The following TRIM16 variants were observed in gnomAD, a reference collection of about 807,000 sequenced individuals.
TRIM16 encodes tripartite motif containing 16, also known as tripartite motif-containing protein 16.
Under a neutral mutation model 50.4 loss-of-function variants are expected in TRIM16, and 33 were observed. That is an observed-to-expected ratio of 0.65 (90% CI 0.50 to 0.88). The LOEUF (loss-of-function observed/expected upper bound fraction) is 0.88. TRIM16 is among the 40% of genes least tolerant of loss of function. TRIM16 has a pLI of 0.00. For synonymous variants in TRIM16, 229 were observed against 270.7 expected, an observed-to-expected ratio of 0.85 and a Z score of 1.51; for missense variants, 581 against 686.8, an observed-to-expected ratio of 0.85 and a Z score of 1.72.
At chr17:15,674,529 G>T (rs1301407539) in intron 6 of TRIM16, among the ~76,000 whole-genome samples, 10 of 151,880 alleles carry the variant, frequency 6.6e-5, no homozygotes, top group African/African-American at 2.4e-4. Context: ...CCCCCACACT[G>T]CCCCACCGCA....
At chr17:15,632,187 G>A (rs1388223085) in intron 10 of TRIM16, among the ~76,000 whole-genome samples, 1 of 152,010 alleles carries the variant, frequency 6.6e-6, no homozygotes, top group Admixed American at 6.5e-5. Flanking sequence ...TCAGGAGTTC[G>A]AGACCAGCCT....
chr17:15,641,482 T>C (rs530531855), intron 8 of TRIM16, among the ~76,000 whole-genome samples: 2 of 148,980 alleles, frequency 1.3e-5, no homozygotes, highest in East Asian at 4.1e-4. Flanking sequence ...CCCCTGGTCA[T>C]CATGTACTTA....
chr17:15,636,630 C>CTTT lies in TRIM16; in HGVS notation c.616-364_616-362dup, dbSNP rs869137177. 3.5e-3 allele frequency among the ~76,000 whole-genome samples: 426 copies of CTTT among 121,200 alleles called. 15 individuals are homozygous for CTTT. The highest frequency in any genetic ancestry group is 0.012 in the African/African-American group (402 of 32,864). 79.5% of individuals were successfully genotyped at this position (121,200 alleles called of 152,430 possible). A position where few individuals can be genotyped will look rare whatever the true frequency, so the allele number is the denominator to read the frequency against. ...ATATTTCAAGAGGTAAAGAATTTGG[C>CTTT]TTTTTTTTTTTTTTTTTGTATAATC... On this transcript the variant is annotated intron_variant, in intron 8 of 11. Transcript: ENST00000649191.
At chr17:15,678,924 T>G (rs2530104) in intron 4 of TRIM16, among the ~76,000 whole-genome samples, 1 of 146,010 alleles carries the variant, frequency 6.8e-6, no homozygotes, top group African/African-American at 2.6e-5. Flanking sequence ...GTTGCTGGAG[T>G]GCAGTGGCCA....
rs1966863094 is a variant in TRIM16 at position 15,680,875 on chromosome 17, G to C, written c.-600C>G. 1.3e-6 allele frequency: 2 copies of C among 1,545,280 alleles called. No individual in the cohort carries two copies. Among genetic ancestry groups the C allele is most frequent in the Non-Finnish European group, 1.7e-6 (2 of 1,145,776 alleles). ...AAATCCCCAACTCACCTGGGACTCT[G>C]CTGTCCGGCAAAGAGCAGCCATATT... On this transcript the variant is annotated 5_prime_UTR_variant, in exon 4 of 12. Coordinates refer to ENST00000649191, the MANE Select transcript of TRIM16 (RefSeq NM_001348119.1).
Position 15,628,369 on chromosome 17 carries a change from A to C in TRIM16, c.*246T>G, listed in dbSNP as rs1986210889. The stretch of plus-strand genomic sequence containing the variant: ...GCTTGCAGTGAGCCAAGATCGCGCC[A>C]CTGCTCTCCAGCCTGGGCAACAGTG... On this transcript the variant is annotated 3_prime_UTR_variant, in exon 12 of 12. Coordinates refer to ENST00000649191, the MANE Select transcript of TRIM16 (RefSeq NM_001348119.1). 2.4e-6 allele frequency: 1 copy of C among 410,272 alleles called. No homozygotes were observed. Among genetic ancestry groups the C allele is most frequent in the Non-Finnish European group, 4.2e-6 (1 of 237,380 alleles). 25.4% of individuals were successfully genotyped at this position (410,272 alleles called of 1,614,324 possible). A position where few individuals can be genotyped will look rare whatever the true frequency, so the allele number is the denominator to read the frequency against.
intron 6 of TRIM16, among the ~76,000 whole-genome samples, chr17:15,658,649 G>C (rs1361473579): frequency 6.6e-6 from 1 of 152,214 alleles, no homozygotes; most frequent in Non-Finnish European, 1.5e-5. Flanking sequence ...ATAGTAATGA[G>C]TGTAGGATTG....
At chr17:15,637,115 TGGGGGGG>T (rs570385958) in intron 8 of TRIM16, among the ~76,000 whole-genome samples, 1 of 67,456 alleles carries the variant, frequency 1.5e-5, no homozygotes, top group Non-Finnish European at 3.3e-5. Context: ...GGGAGGGAGG[TGGGGGGG>T]GGGGGTCAGC....
chr17:15,637,116 G>T (rs1453874307), intron 8 of TRIM16, among the ~76,000 whole-genome samples: 10 of 24,792 alleles, frequency 4.0e-4, no homozygotes, highest in East Asian at 1.3e-3. Flanking sequence ...GGAGGGAGGT[G>T]GGGGGGGGGG....
Position 15,629,121 on chromosome 17 carries a change from T to C in TRIM16, c.1189A>G (p.Asn397Asp), listed in dbSNP as rs1986267024. ...RLQEENRKVTNTTPWEHPYPD... is the reference protein window; with the variant it reads ...RLQEENRKVTDTTPWEHPYPD... ...TAGGGATGCTCCCAGGGCGTGGTGTTGGTGACCTTGCGGTTCTCCTCCTGC... is the reference window on the plus strand; with the variant it reads ...TAGGGATGCTCCCAGGGCGTGGTGTCGGTGACCTTGCGGTTCTCCTCCTGC... Residue 397 changes from asparagine to aspartate, a missense_variant, in exon 12 of 12, where the codon AAC becomes GAC. Physicochemically the swap from Asn to Asp is conservative, Grantham distance 23. Transcript: ENST00000649191. 6.2e-7 allele frequency: 1 copy of C among 1,613,550 alleles called. No homozygotes were observed. Among genetic ancestry groups the C allele is most frequent in the African/African-American group, 1.3e-5 (1 of 75,026 alleles).
intron 6 of TRIM16, among the ~76,000 whole-genome samples, chr17:15,672,322 A>G (rs1819065315): frequency 1.3e-5 from 2 of 149,246 alleles, no homozygotes; most frequent in Admixed American, 1.3e-4. Flanking sequence ...AGACTTTACC[A>G]CAACCAAACA....
chr17:15,633,543 T>C (rs1986542597), intron 9 of TRIM16, among the ~76,000 whole-genome samples: 1 of 144,686 alleles, frequency 6.9e-6, no homozygotes, highest in South Asian at 2.4e-4. Context: ...TAAATATCTT[T>C]TTTTTTTTTT....
chr17:15,663,166 T>C (rs755022912), intron 6 of TRIM16, among the ~76,000 whole-genome samples: 6 of 152,202 alleles, frequency 3.9e-5, no homozygotes, highest in Non-Finnish European at 7.3e-5. Context: ...TTTTAACTCT[T>C]TCCCAACCAC....
At position 15,679,042 on chromosome 17, in the gene TRIM16, C is replaced by CT. The variant is rs531369294; in HGVS notation, c.-589-1322dup. On this transcript the variant is annotated intron_variant, in intron 4 of 11. Coordinates refer to ENST00000649191, the MANE Select transcript of TRIM16 (RefSeq NM_001348119.1). ...AGGTGTGAGCCACCACGCCCAGCTA[C>CT]TTTTTTTTGTATTTTTAGTAGAAAC... is the stretch of plus-strand genomic sequence containing the variant. Among the ~76,000 whole-genome samples, 857 of 151,944 alleles carry CT rather than the reference C, an allele frequency of 5.6e-3. 14 individuals carry two copies. Among genetic ancestry groups the CT allele is most frequent in the African/African-American group, 0.02 (810 of 41,432 alleles).
intron 6 of TRIM16, among the ~76,000 whole-genome samples, chr17:15,657,209 G>T (rs1388759441): frequency 6.6e-6 from 1 of 151,968 alleles, no homozygotes; most frequent in Non-Finnish European, 1.5e-5. Flanking sequence ...TAAAAGACAG[G>T]ATCTTGTTAT....
chr17:15,642,550 T>C (rs1165684481), intron 8 of TRIM16, among the ~76,000 whole-genome samples, 171 bp downstream of exon 8: 1 of 149,562 alleles, frequency 6.7e-6, no homozygotes, highest in East Asian at 2.0e-4. Context: ...AAACTTAAAC[T>C]AATTTCATAA....
intron 10 of TRIM16, 50 bp from the exon 11 acceptor site, chr17:15,631,764 G>C: frequency 6.3e-7 from 1 of 1,582,938 alleles, no homozygotes; most frequent in Non-Finnish European, 8.7e-7. Flanking sequence ...GTGGTCAGGA[G>C]AATCTGCAAA....
intron 7 of TRIM16, among the ~76,000 whole-genome samples, chr17:15,649,285 T>C (rs1293061559): frequency 1.3e-5 from 2 of 151,986 alleles, no homozygotes; most frequent in Admixed American, 6.6e-5. Flanking sequence ...CACTGTTTGA[T>C]GGAGATTATT....
chr17:15,639,219 T>C (rs563902413), intron 8 of TRIM16, among the ~76,000 whole-genome samples: 2 of 144,480 alleles, frequency 1.4e-5, no homozygotes, highest in South Asian at 4.6e-4. Context: ...CTAATTTTTA[T>C]ATTTTTTGTA....
Sources: allele counts gnomAD v4.1 joint callset (sites outside exome capture counted in the v4.1 genomes callset), GRCh38; gene constraint gnomAD v4.1.1; transcripts MANE v1.5; gene names NCBI Gene and HGNC (gene_info 2026-07-23, HGNC 2026-07-21).